Variants in ERICH1 observed in about 807,000 individuals in gnomAD.
ERICH1 encodes glutamate rich 1.
In ERICH1, 56 loss-of-function variants were observed where a neutral mutation model predicts 39.6. That is an observed-to-expected ratio of 1.41 (90% CI 1.14 to 1.77). The LOEUF (loss-of-function observed/expected upper bound fraction) is 1.77, where lower values mean the gene tolerates loss of function less well. ERICH1 is among the 40% of genes most tolerant of loss of function. The pLI is 0.00. For synonymous variants in ERICH1, 313 were observed against 223.6 expected (o/e 1.40, Z -3.57); for missense variants, 826 against 575.4 (o/e 1.44, Z -4.45).
At chr8:690,354 G>T (rs1200870530) in intron 3 of ERICH1, among the ~76,000 whole-genome samples, 1 of 152,210 alleles carries the variant, frequency 6.6e-6, no homozygotes, top group African/African-American at 2.4e-5. Context: ...TTGGGCACAG[G>T]TCTGCCTGTC....
chr8:718,186 G>T (rs1035393544), intron 1 of ERICH1, among the ~76,000 whole-genome samples: 1 of 151,392 alleles, frequency 6.6e-6, no homozygotes, highest in East Asian at 1.9e-4. Context: ...AACACACCAG[G>T]GTACAGATTG....
intron 3 of ERICH1, among the ~76,000 whole-genome samples, chr8:621,178 GA>G (rs1294129853): frequency 6.5e-5 from 5 of 76,872 alleles, no homozygotes; most frequent in African/African-American, 4.8e-4. Context: ...ACTAATGGAT[GA>G]AAGAAGAAAT....
chr8:621,797 A>G (rs1797298252), intron 3 of ERICH1, among the ~76,000 whole-genome samples: 2 of 152,240 alleles, frequency 1.3e-5, no homozygotes, highest in South Asian at 4.1e-4. Flanking sequence ...AAAAAGGATT[A>G]TAAGTGAATA....
chr8:656,025 G>A (rs957195744), intron 3 of ERICH1, among the ~76,000 whole-genome samples: 1 of 152,056 alleles, frequency 6.6e-6, no homozygotes, highest in Non-Finnish European at 1.5e-5. Context: ...GGCTGTCTCT[G>A]TGCCTGCAGA....
chr8:727,412 C>G (rs111698568), intron 1 of ERICH1, among the ~76,000 whole-genome samples: 11 of 152,262 alleles, frequency 7.2e-5, no homozygotes, highest in African/African-American at 2.4e-4. Flanking sequence ...GCAGGAGAAA[C>G]CAGAAGATGA....
Position 664,622 on chromosome 8 carries a change from G to T in ERICH1, c.1313C>A (p.Pro438His). ...FFSYWITHILPEKSSD is the reference protein window; with the variant it reads ...FFSYWITHILHEKSSD ...TCCATTTTAGTCACTGCTCTTCTCAGGAAGGATATGTGTGATCCAGTAACT... is the reference window on the plus strand; with the variant it reads ...TCCATTTTAGTCACTGCTCTTCTCATGAAGGATATGTGTGATCCAGTAACT... Residue 438 changes from proline (P) to histidine (H), a missense_variant, in exon 6 of 6, where the codon CCT becomes CAT. Physicochemically the swap from Pro to His is moderately conservative, Grantham distance 77 (BLOSUM62 -2). Coordinates refer to ENST00000262109, the MANE Select transcript of ERICH1 (RefSeq NM_207332.3). 1 of 1,612,288 alleles carries T rather than the reference G, an allele frequency of 6.2e-7. No individual in the cohort carries two copies.
At chr8:627,007 C>G in intron 3 of ERICH1, 1 of 419,716 alleles carries the variant, frequency 2.4e-6, no homozygotes, top group Non-Finnish European at 4.9e-6. Context: ...ACTCACCAAG[C>G]TCTCGTCATG....
At chr8:681,783 G>A (rs1447190575) in intron 3 of ERICH1, among the ~76,000 whole-genome samples, 1 of 152,222 alleles carries the variant, frequency 6.6e-6, no homozygotes, top group Middle Eastern at 3.2e-3. Context: ...AGCAGAGACT[G>A]CCCGGCTGAG....
At chr8:677,497 T>A (rs189960428) in intron 3 of ERICH1, among the ~76,000 whole-genome samples, 36 of 152,312 alleles carry the variant, frequency 2.4e-4, no homozygotes, top group African/African-American at 8.2e-4. Context: ...CGCTCCTCAC[T>A]CACCAGTGGG....
chr8:677,478 C>T (rs1459728158), intron 3 of ERICH1, among the ~76,000 whole-genome samples: 2 of 152,204 alleles, frequency 1.3e-5, no homozygotes, highest in Admixed American at 1.3e-4. Context: ...CTCCTCGACA[C>T]CTTCATCTCG....
At position 700,354 on chromosome 8, in the gene ERICH1, C is replaced by G. The variant is rs1338211918; in HGVS notation, c.170-7742G>C. On this transcript the variant is annotated intron_variant, in intron 2 of 5. Transcript: ENST00000262109. ...CCGCACACGCGCACAGATCCGCACACGCGCACAGGCCCGCACAGGCGCACA... is the reference window on the plus strand; with the variant it reads ...CCGCACACGCGCACAGATCCGCACAGGCGCACAGGCCCGCACAGGCGCACA... Among the ~76,000 whole-genome samples, 25 of 68,698 alleles carry G rather than the reference C, an allele frequency of 3.6e-4. 3 individuals are homozygous for G. Among genetic ancestry groups the G allele is most frequent in the South Asian group, 1.3e-3 (2 of 1,562 alleles). The allele number at this position is 68,698 out of a possible 152,430, so 45.1% of individuals were successfully genotyped here. A position where few individuals can be genotyped will look rare whatever the true frequency, so the allele number is the denominator to read the frequency against.
At chr8:685,522 T>C (rs187873961) in intron 3 of ERICH1, among the ~76,000 whole-genome samples, 73 of 152,286 alleles carry the variant, frequency 4.8e-4, no homozygotes, top group Non-Finnish European at 8.7e-4. Flanking sequence ...TATAAGAGTA[T>C]TGATTGGGGA....
chr8:688,498 C>T (rs1255325788), intron 3 of ERICH1, among the ~76,000 whole-genome samples: 1 of 151,834 alleles, frequency 6.6e-6, no homozygotes, highest in Admixed American at 6.6e-5. Context: ...TCCTACAACG[C>T]CACGGCCCTC....
At chr8:716,614 C>T (rs561675328) in intron 1 of ERICH1, among the ~76,000 whole-genome samples, 33 of 152,352 alleles carry the variant, frequency 2.2e-4, no homozygotes, top group Admixed American at 5.2e-4. Context: ...TTTTAGTTTA[C>T]GTTGTTTAAA....
At chr8:655,013 T>C (rs1325715333) in intron 3 of ERICH1, among the ~76,000 whole-genome samples, 1 of 152,182 alleles carries the variant, frequency 6.6e-6, no homozygotes, top group Non-Finnish European at 1.5e-5. Flanking sequence ...TTTAATTATC[T>C]TTAGTAACAA....
At chr8:682,638 T>C (rs1380096312) in intron 3 of ERICH1, among the ~76,000 whole-genome samples, 1 of 152,186 alleles carries the variant, frequency 6.6e-6, no homozygotes, top group African/African-American at 2.4e-5. Flanking sequence ...AAAGCTGCCA[T>C]CCCCAAAACA....
intron 3 of ERICH1, among the ~76,000 whole-genome samples, chr8:634,801 G>T (rs565448319): frequency 6.6e-6 from 1 of 152,352 alleles, no homozygotes; most frequent in African/African-American, 2.4e-5. Context: ...GAGCAGCCCA[G>T]GTCAAGCATC....
At chr8:719,361 G>T (rs894538303) in intron 1 of ERICH1, among the ~76,000 whole-genome samples, 3 of 152,146 alleles carry the variant, frequency 2.0e-5, no homozygotes, top group African/African-American at 7.2e-5. Flanking sequence ...GTTATTTTTT[G>T]GAACTGCAGT....
At chr8:663,792 C>G (rs1801783796), downstream of ERICH1, among the ~76,000 whole-genome samples, 1 of 151,750 alleles carries the variant, frequency 6.6e-6, no homozygotes, top group South Asian at 2.1e-4. Context: ...TGGAGTCTCG[C>G]TCTGTCGCCC....
Sources: allele counts gnomAD v4.1 joint callset (sites outside exome capture counted in the v4.1 genomes callset), GRCh38; gene constraint gnomAD v4.1.1; transcripts MANE v1.5; gene names NCBI Gene and HGNC (gene_info 2026-07-23, HGNC 2026-07-21).